Variants in SLC24A3 observed in about 807,000 individuals in gnomAD.
SLC24A3 encodes solute carrier family 24 member 3.
Under a neutral mutation model 75.8 loss-of-function variants are expected in SLC24A3, and 28 were observed. The ratio of observed to expected loss-of-function variants is 0.37; its 90% CI spans 0.27 to 0.51. The LOEUF is 0.51. Among genes scored for constraint, SLC24A3 ranks in the 20% least tolerant of loss-of-function variants. SLC24A3 has a pLI of 0.94. For missense variants in SLC24A3, 663 were observed against 847.8 expected (o/e 0.78, Z 2.71); for synonymous variants, 372 against 334.1 (o/e 1.11, Z -1.24).
chr20:19,280,431 C>T lies in SLC24A3; in HGVS notation c.143-528C>T, dbSNP rs74685808. 1.4e-3 allele frequency among the ~76,000 whole-genome samples: 212 copies of T among 152,214 alleles called. 1 individual carries two copies. The highest frequency in any genetic ancestry group is 2.6e-3 in the Non-Finnish European group (175 of 68,008). ...ATTTGGGGGCTGATTTCAGGAGATA[C>T]TGGCAGGGGCTAGACCTCGGTGGGC... On this transcript the variant is annotated intron_variant, in intron 1 of 16. Transcript: ENST00000328041.
rs182550716 is a variant in SLC24A3 at position 19,300,967 on chromosome 20, G to A, written c.271+19880G>A. On this transcript the variant is annotated intron_variant, in intron 2 of 16. Coordinates refer to ENST00000328041, the MANE Select transcript of SLC24A3 (RefSeq NM_020689.4). The stretch of plus-strand genomic sequence containing the variant: ...GAACAGTTCTCCATGTTGTCCCCAC[G>A]TGCTGTGCCTCTGGCCAACATAGCA... Among the ~76,000 whole-genome samples, 8 of 152,256 alleles carry A rather than the reference G, an allele frequency of 5.3e-5. No individual in the cohort carries two copies. In the East Asian group the frequency reaches 9.7e-4, roughly 18 times the overall value.
intron 6 of SLC24A3, among the ~76,000 whole-genome samples, chr20:19,611,601 T>C (rs2031672168): frequency 6.6e-6 from 1 of 152,234 alleles, no homozygotes; most frequent in African/African-American, 2.4e-5. Flanking sequence ...GGATGGTTTG[T>C]TCCTTCATCT....
chr20:19,658,089 A>T (rs1429136621), intron 7 of SLC24A3, among the ~76,000 whole-genome samples: 2 of 152,128 alleles, frequency 1.3e-5, no homozygotes, highest in Non-Finnish European at 2.9e-5. Flanking sequence ...CTTCACCCAG[A>T]GGGCAAGTCA....
chr20:19,639,617 G>A (rs551546499), intron 6 of SLC24A3, among the ~76,000 whole-genome samples: 8 of 152,372 alleles, frequency 5.3e-5, no homozygotes, highest in Non-Finnish European at 7.3e-5. Flanking sequence ...CCAGTCCGGC[G>A]CGCTGTGCAG....
Position 19,585,556 on chromosome 20 carries a change from G to A in SLC24A3, c.612+12G>A, listed in dbSNP as rs752204156. ...TCTTTGCTGGGCAGGTAAGACTGGCGGCTTCTTTGTGATGGCAAAATGTGA... is the reference window on the plus strand; with the variant it reads ...TCTTTGCTGGGCAGGTAAGACTGGCAGCTTCTTTGTGATGGCAAAATGTGA... On this transcript the variant is annotated intron_variant, in intron 6 of 16. Transcript: ENST00000328041. 11 of 1,611,840 alleles carry A rather than the reference G, an allele frequency of 6.8e-6. No individual in the cohort carries two copies. The highest frequency in any genetic ancestry group is 1.7e-4 in the Middle Eastern group (1 of 6,056).
intron 13 of SLC24A3, 130 bp from the exon 14 acceptor site, chr20:19,696,667 C>G: frequency 3.1e-6 from 2 of 642,618 alleles, no homozygotes; most frequent in East Asian, 2.7e-5. Flanking sequence ...TGTATTGATA[C>G]AGAGAGCAGA....
chr20:19,413,633 AGCAGAC>A (rs1338608921), intron 2 of SLC24A3, among the ~76,000 whole-genome samples: 7 of 152,186 alleles, frequency 4.6e-5, no homozygotes, highest in African/African-American at 1.4e-4. Context: ...TCACCTTTGC[AGCAGAC>A]TGATGATTAC....
chr20:19,424,099 G>A (rs1276609329), intron 2 of SLC24A3, among the ~76,000 whole-genome samples: 2 of 152,210 alleles, frequency 1.3e-5, no homozygotes, highest in African/African-American at 4.8e-5. Context: ...ACAAGTGGGG[G>A]TGGCTGGTGC....
intron 2 of SLC24A3, among the ~76,000 whole-genome samples, chr20:19,328,392 A>G (rs1229543615): frequency 1.3e-5 from 2 of 152,166 alleles, no homozygotes; most frequent in African/African-American, 2.4e-5. Flanking sequence ...ATTGATAATA[A>G]AATGTAGTGG....
intron 2 of SLC24A3, among the ~76,000 whole-genome samples, chr20:19,495,698 C>A (rs1988274509): frequency 6.6e-6 from 1 of 152,244 alleles, no homozygotes; most frequent in African/African-American, 2.4e-5. Flanking sequence ...CCTGACCATT[C>A]ACTTCACTTC....
chr20:19,720,166 G>T (rs2033088857), intron 16 of SLC24A3, among the ~76,000 whole-genome samples: 1 of 152,254 alleles, frequency 6.6e-6, no homozygotes. Flanking sequence ...CAGTACCACT[G>T]GCTATGGTTG....
At chr20:19,426,784 A>G (rs971218165) in intron 2 of SLC24A3, among the ~76,000 whole-genome samples, 6 of 152,264 alleles carry the variant, frequency 3.9e-5, no homozygotes, top group Admixed American at 2.0e-4. Flanking sequence ...ACCTAGGAGC[A>G]TGGGTCAGGA....
chr20:19,567,191 G>A (rs2030971876), intron 3 of SLC24A3, among the ~76,000 whole-genome samples: 2 of 152,122 alleles, frequency 1.3e-5, no homozygotes, highest in Admixed American at 1.3e-4. Flanking sequence ...GTTCACAAGT[G>A]GTCCAAAAGA....
chr20:19,456,945 T>C (rs1357722558), intron 2 of SLC24A3, among the ~76,000 whole-genome samples: 2 of 152,254 alleles, frequency 1.3e-5, no homozygotes, highest in African/African-American at 4.8e-5. Flanking sequence ...CCAGAATCTC[T>C]GTTAATGACT....
intron 6 of SLC24A3, among the ~76,000 whole-genome samples, chr20:19,602,581 C>T (rs548258987): frequency 1.3e-5 from 2 of 152,340 alleles, no homozygotes; most frequent in South Asian, 4.1e-4. Context: ...GTCTGGCCAA[C>T]TCTAGAATCC....
chr20:19,314,394 A>C (rs1177688828), intron 2 of SLC24A3, among the ~76,000 whole-genome samples: 3 of 151,420 alleles, frequency 2.0e-5, no homozygotes, highest in Non-Finnish European at 4.4e-5. Flanking sequence ...GCTCACTGCA[A>C]CCTTGACTTC....
At chr20:19,526,929 C>T (rs6046160) in intron 3 of SLC24A3, among the ~76,000 whole-genome samples, 91,921 of 151,924 alleles carry the variant, frequency 0.61, 28,228 homozygotes, top group Non-Finnish European at 0.67. Flanking sequence ...TGGCCATTGT[C>T]GTTATTTTTA....
chr20:19,449,337 T>C (rs975972361), intron 2 of SLC24A3, among the ~76,000 whole-genome samples: 20 of 152,212 alleles, frequency 1.3e-4, no homozygotes, highest in Non-Finnish European at 2.9e-4. Flanking sequence ...AGTGGGATTC[T>C]GCCCCAGATG....
At chr20:19,587,643 T>C (rs1442592053) in intron 6 of SLC24A3, among the ~76,000 whole-genome samples, 4 of 152,234 alleles carry the variant, frequency 2.6e-5, no homozygotes, top group Non-Finnish European at 5.9e-5. Flanking sequence ...AGCAAAATTA[T>C]GTTTTGGGAA....
Sources: gnomAD v4.1 joint callset for allele counts (sites outside exome capture counted in the v4.1 genomes callset) on GRCh38, gnomAD v4.1.1 for gene constraint, MANE v1.5 for transcripts, NCBI Gene and HGNC (gene_info 2026-07-23, HGNC 2026-07-21) for gene names.